The following GLDC variants were observed in gnomAD, a reference collection of about 807,000 sequenced individuals.
GLDC encodes glycine decarboxylase.
In GLDC, 104 loss-of-function variants were observed where a neutral mutation model predicts 121.3. The ratio of observed to expected loss-of-function variants is 0.86; its 90% CI spans 0.73 to 1.01. The LOEUF (loss-of-function observed/expected upper bound fraction) is 1.01. Ranked by LOEUF, GLDC falls within the 50% of genes least tolerant of loss-of-function variation. The probability of loss-of-function intolerance (pLI) is 0.00; values close to 1 mark genes in which losing one functional copy is unlikely to be tolerated. For missense variants in GLDC, 1,429 were observed against 1,306.6 expected (o/e 1.09, Z -1.44); for synonymous variants, 546 against 480.6 (o/e 1.14, Z -1.78).
At position 6,532,681 on chromosome 9, in the gene GLDC, G is replaced by A. The variant is rs931978912; in HGVS notation, c.*336C>T. On this transcript the variant is annotated 3_prime_UTR_variant, in exon 25 of 25. Coordinates refer to ENST00000321612, the MANE Select transcript of GLDC (RefSeq NM_000170.3). ...ATGGACTCTTTTGGAACAAAAAAAT[G>A]TCTATTAAGTCTCCAGGATAGCCTC... 9 of 320,112 alleles carry A rather than the reference G, an allele frequency of 2.8e-5. No homozygotes were observed. Among genetic ancestry groups the A allele is most frequent in the African/African-American group, 1.3e-4 (6 of 46,982 alleles). The allele number at this position is 320,112 out of a possible 1,614,324, so 19.8% of individuals were successfully genotyped here. A position where few individuals can be genotyped will look rare whatever the true frequency, so the allele number is the denominator to read the frequency against.
At chr9:6,573,805 C>A (rs1199542618) in intron 15 of GLDC, among the ~76,000 whole-genome samples, 1 of 152,188 alleles carries the variant, frequency 6.6e-6, no homozygotes. Flanking sequence ...TTCATGGCAC[C>A]TTCAGAGGAC....
chr9:6,562,026 T>G (rs916490916), intron 16 of GLDC, among the ~76,000 whole-genome samples: 1 of 152,246 alleles, frequency 6.6e-6, no homozygotes, highest in African/African-American at 2.4e-5. Flanking sequence ...ATGTTTTCCC[T>G]TTGTATAGGA....
At chr9:6,557,711 C>A (rs1439800073) in intron 17 of GLDC, 1 of 151,660 alleles carries the variant, frequency 6.6e-6, no homozygotes, top group Non-Finnish European at 1.5e-5. Flanking sequence ...TTACAGAAGG[C>A]AAGCATATAT....
At chr9:6,637,404 C>CAAA (rs71328199) in intron 2 of GLDC, among the ~76,000 whole-genome samples, 2 of 139,940 alleles carry the variant, frequency 1.4e-5, no homozygotes, top group African/African-American at 5.1e-5. Flanking sequence ...AGACTTCTCT[C>CAAA]AAAAAAAAAA....
chr9:6,637,585 G>A (rs1027037362), intron 2 of GLDC, among the ~76,000 whole-genome samples: 2 of 151,948 alleles, frequency 1.3e-5, no homozygotes, highest in Admixed American at 1.3e-4. Context: ...TCCTGCCTCA[G>A]ACTCCTGAGC....
intron 22 of GLDC, 132 bp from the exon 23 acceptor site, chr9:6,536,368 G>T (rs201994873): frequency 5.2e-5 from 43 of 819,716 alleles, no homozygotes; most frequent in Non-Finnish European, 8.5e-5. Context: ...GTATGTATGT[G>T]GGGACTCATC....
intron 15 of GLDC, among the ~76,000 whole-genome samples, chr9:6,574,261 A>T (rs1563843200): frequency 6.6e-6 from 1 of 152,262 alleles, no homozygotes; most frequent in East Asian, 1.9e-4. Flanking sequence ...TGAGGTCAGG[A>T]GTTCAAGACC....
At position 6,600,695 on chromosome 9, in the gene GLDC, G is replaced by T. The variant is rs1047329787; in HGVS notation, c.1155+1414C>A. ...CTCAAAGAAGAAAAAAAAAGAAGAA[G>T]AAAAAAAAAAAGAGATGCACTTAGA... On this transcript the variant is annotated intron_variant, in intron 8 of 24. Coordinates refer to ENST00000321612, the MANE Select transcript of GLDC (RefSeq NM_000170.3). Among the ~76,000 whole-genome samples, 10 of 144,082 alleles carry T rather than the reference G, an allele frequency of 6.9e-5. No homozygotes were observed. The Admixed American group carries it at 7.0e-4, about 10-fold the overall frequency. 94.5% of individuals were successfully genotyped at this position (144,082 alleles called of 152,430 possible). A position where few individuals can be genotyped will look rare whatever the true frequency, so the allele number is the denominator to read the frequency against.
intron 15 of GLDC, among the ~76,000 whole-genome samples, chr9:6,585,730 G>A (rs931400877): frequency 6.6e-6 from 1 of 152,142 alleles, no homozygotes; most frequent in Non-Finnish European, 1.5e-5. Flanking sequence ...AGCAGCAGGA[G>A]GTGAAGAACC....
chr9:6,589,883 C>T (rs1019301280), intron 11 of GLDC, among the ~76,000 whole-genome samples: 3 of 152,130 alleles, frequency 2.0e-5, no homozygotes, highest in African/African-American at 7.2e-5. Flanking sequence ...GGTGAAACCC[C>T]GTCTCTACTA....
intron 3 of GLDC, among the ~76,000 whole-genome samples, chr9:6,615,581 T>TAA (rs35065126): frequency 7.0e-6 from 1 of 143,170 alleles, no homozygotes; most frequent in Admixed American, 7.0e-5. Flanking sequence ...GACCTTGTCT[T>TAA]AAAAAAAAAA....
Position 6,588,620 on chromosome 9 carries a change from G to A in GLDC, c.1663C>T (p.Leu555=). ...GAAAAAAGGCCACAAATAACTACCA[G>A]TGGAATCATGCTGTGAACAAGGGAA... is the stretch of plus-strand genomic sequence containing the variant. The part of the protein sequence containing the change: ...DISLVHSMIP[L]GSCTMKLNSS... Residue 555 remains leucine (L), a splice_region_variant and synonymous_variant, in exon 13 of 25, where the codon CTG becomes TTG. Transcript: ENST00000321612. 6.2e-7 allele frequency: 1 copy of A among 1,604,806 alleles called. No individual in the cohort carries two copies. The highest frequency in any genetic ancestry group is 8.5e-7 in the Non-Finnish European group (1 of 1,171,502).
intron 15 of GLDC, among the ~76,000 whole-genome samples, chr9:6,578,341 T>A (rs1818112731): frequency 6.6e-6 from 1 of 152,144 alleles, no homozygotes; most frequent in Non-Finnish European, 1.5e-5. Context: ...GGTCTTGAAC[T>A]CCTGAGCTCA....
rs538494433 is a variant in GLDC, at chr9:6,609,227, C to T, written c.635+965G>A. On this transcript the variant is annotated intron_variant, in intron 4 of 24. Coordinates refer to ENST00000321612, the MANE Select transcript of GLDC (RefSeq NM_000170.3). The stretch of plus-strand genomic sequence containing the variant: ...GAACCATCCTGATTCAGTAAGTCCA[C>T]TTCCAGAAATGGCTCTTCAGGAAAT... Among the ~76,000 whole-genome samples, 6 of 152,324 alleles carry T rather than the reference C, an allele frequency of 3.9e-5. 1 individual carries two copies. Among genetic ancestry groups the T allele is most frequent in the Admixed American group, 3.9e-4 (6 of 15,298 alleles).
At chr9:6,576,880 T>C (rs1818075625) in intron 15 of GLDC, among the ~76,000 whole-genome samples, 1 of 152,226 alleles carries the variant, frequency 6.6e-6, no homozygotes, top group South Asian at 2.1e-4. Flanking sequence ...TTAAATCTCA[T>C]TCACTTTTCT....
intron 3 of GLDC, among the ~76,000 whole-genome samples, chr9:6,618,456 C>G (rs1372351701): frequency 6.6e-6 from 1 of 152,068 alleles, no homozygotes; most frequent in Non-Finnish European, 1.5e-5. Context: ...TACAGGCATG[C>G]ACCACCACGC....
At chr9:6,621,023 A>T (rs1230298050) in intron 2 of GLDC, among the ~76,000 whole-genome samples, 1 of 152,116 alleles carries the variant, frequency 6.6e-6, no homozygotes, top group Non-Finnish European at 1.5e-5. Flanking sequence ...GCAAAAAATT[A>T]GCCAGGCATG....
At chr9:6,555,698 A>G (rs1199216623) in intron 18 of GLDC, among the ~76,000 whole-genome samples, 2 of 152,208 alleles carry the variant, frequency 1.3e-5, no homozygotes, top group South Asian at 2.1e-4. Flanking sequence ...AGGCTGAGGC[A>G]GCAGAACTGC....
At chr9:6,625,218 C>A (rs868205499) in intron 2 of GLDC, among the ~76,000 whole-genome samples, 2 of 152,018 alleles carry the variant, frequency 1.3e-5, no homozygotes, top group African/African-American at 4.8e-5. Flanking sequence ...GTGACCCGGC[C>A]GGAGGTCAAA....
Sources: gnomAD v4.1 joint callset for allele counts (sites outside exome capture counted in the v4.1 genomes callset) on GRCh38, gnomAD v4.1.1 for gene constraint, MANE v1.5 for transcripts, NCBI Gene and HGNC (gene_info 2026-07-23, HGNC 2026-07-21) for gene names.